Variants in NAGK observed in about 807,000 individuals in gnomAD.
The protein encoded by NAGK is N-acetyl-D-glucosamine kinase.
A neutral mutation model predicts 42.9 loss-of-function variants in NAGK; 35 were observed. The observed-to-expected ratio is 0.82, with a 90% CI of 0.62 to 1.08. The LOEUF is 1.08. NAGK is among the 50% of genes least tolerant of loss of function. NAGK has a pLI of 0.00. For missense variants in NAGK, 446 were observed against 446.0 expected, an observed-to-expected ratio of 1.00 and a Z score of 0.00; for synonymous variants, 172 against 176.0, an observed-to-expected ratio of 0.98 and a Z score of 0.18.
At chr2:71,072,369 C>G in intron 4 of NAGK, 1 of 443,256 alleles carries the variant, frequency 2.3e-6, no homozygotes, top group Non-Finnish European at 4.2e-6. Flanking sequence ...CACTGGAAGA[C>G]CGGCTGGGCA....
At chr2:71,077,745 G>A (rs1459684702) in intron 9 of NAGK, 109 bp downstream of exon 9, 3 of 1,163,320 alleles carry the variant, frequency 2.6e-6, no homozygotes, top group Non-Finnish European at 3.7e-6. Flanking sequence ...GGACCCTGAG[G>A]CCTAGACAGG....
intron 1 of NAGK, chr2:71,070,093 C>T (rs906394550): frequency 6.1e-5 from 12 of 196,834 alleles, no homozygotes; most frequent in Non-Finnish European, 1.2e-4. Context: ...AGGAGCTTGA[C>T]CCAGTGGAGC....
In NAGK at chr2:71,070,750, A is replaced by G; in HGVS notation, c.124A>G (p.Thr42Ala). The G allele has an allele frequency of 1.2e-6, 2 of 1,614,184 alleles. No individual in the cohort carries two copies. Among genetic ancestry groups the G allele is most frequent in the South Asian group, 2.2e-5 (2 of 91,084 alleles). The part of the protein sequence containing the change: ...GLSTNHWLIG[T>A]DKCVERINEM... ...CCTTGATTGGGGCCAGCTGATCGGGACAGACAAGTGTGTGGAGAGGATCAA... is the reference window on the plus strand; with the variant it reads ...CCTTGATTGGGGCCAGCTGATCGGGGCAGACAAGTGTGTGGAGAGGATCAA... The change falls in exon 3 of 10, where the codon ACA (threonine) becomes GCA (alanine). Residue 42 changes from threonine to alanine, a missense_variant. Coordinates refer to ENST00000244204, the MANE Select transcript of NAGK (RefSeq NM_017567.6).
upstream of NAGK, chr2:71,068,312 C>G (rs1464772529): frequency 2.0e-6 from 1 of 492,438 alleles, no homozygotes; most frequent in Non-Finnish European, 3.4e-6. Flanking sequence ...CTGCCAGCAA[C>G]TTCCGGGCGT....
intron 1 of NAGK, 121 bp downstream of exon 1, chr2:71,068,833 G>T (rs1671891139): frequency 7.2e-7 from 1 of 1,396,788 alleles, no homozygotes; most frequent in East Asian, 3.0e-5. Context: ...GGGACCTTGC[G>T]GTGAAGAGGT....
At chr2:71,068,444 GCCGCTGCGGA>G (rs1671860818), upstream of NAGK, 1 of 1,369,768 alleles carries the variant, frequency 7.3e-7, no homozygotes, top group South Asian at 1.6e-5. Context: ...GACGGGAGGG[GCCGCTGCGGA>G]CCGCAGTCGC....
At chr2:71,073,320 T>TTCC in intron 5 of NAGK, 162 bp from the exon 6 acceptor site, 3 of 391,484 alleles carry the variant, frequency 7.7e-6, no homozygotes, top group East Asian at 5.9e-5. Context: ...ATAGAGACCC[T>TTCC]CCCACCCCCC....
Position 71,078,302 on chromosome 2 carries a change from G to GTGT in NAGK, c.845-14_845-12dup, listed in dbSNP as rs557682939. On this transcript the variant is annotated splice_polypyrimidine_tract_variant and intron_variant, in intron 9 of 9. Coordinates refer to ENST00000244204, the MANE Select transcript of NAGK (RefSeq NM_017567.6). ...CTGTTCTCCTCTTATCTCTGTCCTT[G>GTGT]TGTTCTTCCCTCCAGGTTTTCTTCT... The GTGT allele has an allele frequency of 1.2e-3, 1,955 of 1,612,518 alleles. 2 individuals carry two copies. Among genetic ancestry groups the GTGT allele is most frequent in the Non-Finnish European group, 1.5e-3 (1,775 of 1,178,680 alleles).
rs145777845 is a variant in NAGK, at chr2:71,070,332, G to A, written c.30-170G>A. On this transcript the variant is annotated intron_variant, in intron 1 of 9. Transcript: ENST00000244204. The stretch of plus-strand genomic sequence containing the variant: ...GAAGAGGAGTGAGAATTATGTTTCA[G>A]TTAAAGAGCACTCAAACACTGAACC... 1,225 of 565,520 alleles carry A rather than the reference G, an allele frequency of 2.2e-3. 23 individuals are homozygous for A. The highest frequency in any genetic ancestry group is 0.022 in the African/African-American group (1,139 of 52,884). 35.0% of individuals were successfully genotyped at this position (565,520 alleles called of 1,614,324 possible).
At chr2:71,068,401 T>G, upstream of NAGK, 2 of 1,144,038 alleles carry the variant, frequency 1.7e-6, no homozygotes, top group Non-Finnish European at 2.3e-6. Context: ...CCTCTTGGGA[T>G]TAGTGTCCAT....
chr2:71,068,430 G>A (rs1572972399), upstream of NAGK: 1 of 1,327,700 alleles, frequency 7.5e-7, no homozygotes, highest in Non-Finnish European at 9.8e-7. Flanking sequence ...GCAGGATCCA[G>A]GAGGACGGGA....
intron 2 of NAGK, 58 bp from the exon 3 acceptor site, chr2:71,070,682 TG>T (rs1671968677): frequency 6.2e-7 from 1 of 1,610,150 alleles, no homozygotes; most frequent in African/African-American, 1.3e-5. Flanking sequence ...GAGCAGCCTG[TG>T]GGGGCAACAT....
At chr2:71,076,012 G>T in intron 7 of NAGK, 1 of 263,922 alleles carries the variant, frequency 3.8e-6, no homozygotes, top group Non-Finnish European at 7.4e-6. Context: ...TATTTTGTTG[G>T]GTGTCAGGAG....
At chr2:71,072,521 A>G in intron 4 of NAGK, 120 bp from the exon 5 acceptor site, 1 of 776,428 alleles carries the variant, frequency 1.3e-6, no homozygotes, top group Non-Finnish European at 2.1e-6. Context: ...TTTCTCCTCT[A>G]CAGGACTGGG....
At position 71,078,757 on chromosome 2, in the gene NAGK, G is replaced by T; in HGVS notation, c.*249G>T. 2 of 473,816 alleles carry T rather than the reference G, an allele frequency of 4.2e-6. No homozygotes were observed. Among genetic ancestry groups the T allele is most frequent in the South Asian group, 5.6e-5 (2 of 35,928 alleles). 29.4% of individuals were successfully genotyped at this position (473,816 alleles called of 1,614,324 possible). ...AAGATTTAAAGCCCTGCCCCCAGGT[G>T]CTCAGCCTGTGATCTGTATCCACTC... is the stretch of plus-strand genomic sequence containing the variant. On this transcript the variant is annotated 3_prime_UTR_variant, in exon 10 of 10. Transcript: ENST00000244204.
At chr2:71,073,640 G>A in intron 6 of NAGK, 46 bp downstream of exon 6, 1 of 1,454,550 alleles carries the variant, frequency 6.9e-7, no homozygotes. Context: ...GGGTAGGGCA[G>A]TGAAACACTC....
chr2:71,073,622 C>T (rs765161037), intron 6 of NAGK, 28 bp downstream of exon 6: 6 of 1,534,214 alleles, frequency 3.9e-6, no homozygotes, highest in East Asian at 2.2e-5. Flanking sequence ...AGTAAACATG[C>T]GCACCTGGGG....
intron 1 of NAGK, 39 bp downstream of exon 1, chr2:71,068,751 C>T (rs778095460): frequency 1.5e-5 from 22 of 1,445,700 alleles, no homozygotes; most frequent in Middle Eastern, 2.4e-4. Context: ...GGCCCGAAGG[C>T]GGGGCGGAAG....
In NAGK at chr2:71,075,585, C is replaced by T. The variant is rs773695676; in HGVS notation, c.610C>T (p.Leu204=). 6 of 1,614,090 alleles carry T rather than the reference C, an allele frequency of 3.7e-6. No homozygotes were observed. The South Asian group carries it at 6.6e-5, about 18-fold the overall frequency. ...AGATCGGCTAGGGATACTCACTCAC[C>T]TGTATAGGGACTTTGATAAATGCAG... The part of the protein sequence containing the change: ...VPDRLGILTH[L]YRDFDKCRFA... The change falls in exon 7 of 10, where the codon CTG becomes TTG. Residue 204 remains leucine (L), a synonymous_variant. Coordinates refer to ENST00000244204, the MANE Select transcript of NAGK (RefSeq NM_017567.6).
Sources: allele counts gnomAD v4.1 joint callset, GRCh38; gene constraint gnomAD v4.1.1; transcripts MANE v1.5; gene names NCBI Gene and HGNC (gene_info 2026-07-23, HGNC 2026-07-21).